Variants in TSHR observed in about 807,000 individuals in gnomAD.
TSHR encodes thyrotropin receptor.
A neutral mutation model predicts 64.1 loss-of-function variants in TSHR; 51 were observed. The observed-to-expected ratio is 0.80, with a 90% CI of 0.64 to 1.01. The LOEUF is 1.01. Ranked by LOEUF, TSHR falls within the 50% of genes least tolerant of loss-of-function variation. The pLI is 0.00. For missense variants in TSHR, 877 were observed against 942.8 expected (o/e 0.93, Z 0.91); for synonymous variants, 361 against 361.9 (o/e 1.00, Z 0.03).
At chr14:81,131,733 A>G (rs1418403008) in intron 8 of TSHR, among the ~76,000 whole-genome samples, 1 of 152,050 alleles carries the variant, frequency 6.6e-6, no homozygotes, top group Admixed American at 6.5e-5. Context: ...CTTCCCTGAC[A>G]CTGTCCCCTC....
intron 1 of TSHR, chr14:81,053,332 CCAGAAACATCCTCA>C (rs1232574772): frequency 2.0e-5 from 3 of 152,170 alleles, no homozygotes; most frequent in African/African-American, 7.2e-5. Context: ...TCAATCTCAT[CCAGAAACATCCTCA>C]CAGACACAAC....
rs142450817 is a variant in TSHR at position 80,986,287 on chromosome 14, G to T, written c.170+30437G>T. ...CTTGGGGACTATATTGGGTATTGAAGAGAGCTGGTAAAAAATACAGATAGA... is the reference window on the plus strand; with the variant it reads ...CTTGGGGACTATATTGGGTATTGAATAGAGCTGGTAAAAAATACAGATAGA... On this transcript the variant is annotated intron_variant, in intron 1 of 9. Coordinates refer to ENST00000298171, the MANE Select transcript of TSHR (RefSeq NM_000369.5). Among the ~76,000 whole-genome samples, 814 of 152,242 alleles carry T rather than the reference G, an allele frequency of 5.3e-3. 12 individuals are homozygous for T. Among genetic ancestry groups the T allele is most frequent in the African/African-American group, 0.019 (789 of 41,538 alleles).
chr14:81,139,786 T>C lies in TSHR; in HGVS notation c.800T>C (p.Leu267Ser), dbSNP rs1278487169. The C allele has an allele frequency of 3.1e-6, 5 of 1,614,206 alleles. No homozygotes were observed. The South Asian group carries it at 5.5e-5, about 18-fold the overall frequency. The change falls in exon 9 of 10, where the codon TTG becomes TCG. Residue 267 changes from leucine (L) to serine (S), a missense_variant. By Grantham distance (145) the Leu-to-Ser change is moderately radical. Transcript: ENST00000298171. ...TWTLKKLPLS[L>S]SFLHLTRADL... Reference sequence around the variant, plus strand: ...ACTCTTAAGAAACTTCCACTTTCCTTGAGTTTCCTTCACCTCACACGGGCT... The same window carrying C: ...ACTCTTAAGAAACTTCCACTTTCCTCGAGTTTCCTTCACCTCACACGGGCT...
At chr14:80,981,467 G>T (rs979727116) in intron 1 of TSHR, among the ~76,000 whole-genome samples, 2 of 152,182 alleles carry the variant, frequency 1.3e-5, no homozygotes, top group African/African-American at 4.8e-5. Context: ...ATGGGAGGCT[G>T]ATGACCTGGG....
chr14:81,051,620 T>C (rs1885437713), intron 1 of TSHR: 2 of 152,168 alleles, frequency 1.3e-5, no homozygotes, highest in Non-Finnish European at 2.9e-5. Flanking sequence ...TCATACTTTT[T>C]CCAAAATAGT....
At chr14:81,012,487 C>T (rs1443817248) in intron 1 of TSHR, 38 of 150,192 alleles carry the variant, frequency 2.5e-4, no homozygotes, top group Non-Finnish European at 4.0e-4. Context: ...AATGGTATTT[C>T]TAGTTCTAGA....
chr14:81,069,450 T>A (rs189890957), intron 3 of TSHR, among the ~76,000 whole-genome samples: 1 of 152,090 alleles, frequency 6.6e-6, no homozygotes, highest in African/African-American at 2.4e-5. Flanking sequence ...TTTAAAAAAA[T>A]GTTTGAAAGT....
chr14:81,035,975 T>A (rs1285119418), intron 1 of TSHR, among the ~76,000 whole-genome samples: 2 of 152,160 alleles, frequency 1.3e-5, no homozygotes. Context: ...AATAGCAGAC[T>A]AAATTAAGCA....
chr14:81,114,512 C>A (rs1245623444), intron 8 of TSHR, among the ~76,000 whole-genome samples: 1 of 152,218 alleles, frequency 6.6e-6, no homozygotes, highest in East Asian at 1.9e-4. Context: ...TATCCCGCAC[C>A]TGGCTCGGAG....
rs150716300 is a variant in TSHR at position 81,144,137 on chromosome 14, C to T, written c.2079C>T (p.Leu693=). 37 of 1,614,080 alleles carry T rather than the reference C, an allele frequency of 2.3e-5. No homozygotes were observed. The highest frequency in any genetic ancestry group is 1.6e-4 in the Middle Eastern group (1 of 6,084). Residue 693 remains leucine (L), a synonymous_variant, in exon 10 of 10, where the codon CTC becomes CTT. Coordinates refer to ENST00000298171, the MANE Select transcript of TSHR (RefSeq NM_000369.5). ...KAFQRDVFIL[L]SKFGICKRQA... is the part of the protein sequence containing the mutation. Reference sequence around the variant, plus strand: ...TCCAGAGGGATGTGTTCATCCTACTCAGCAAGTTTGGCATCTGTAAACGCC... The same window carrying T: ...TCCAGAGGGATGTGTTCATCCTACTTAGCAAGTTTGGCATCTGTAAACGCC...
At chr14:81,138,176 C>T (rs962715436) in intron 8 of TSHR, among the ~76,000 whole-genome samples, 3 of 150,934 alleles carry the variant, frequency 2.0e-5, no homozygotes, top group South Asian at 2.1e-4. Flanking sequence ...CAGGAACAAG[C>T]GCCAAGGGTA....
intron 1 of TSHR, among the ~76,000 whole-genome samples, chr14:81,045,633 TC>T (rs1885138779): frequency 6.6e-6 from 1 of 152,156 alleles, no homozygotes; most frequent in Admixed American, 6.5e-5. Flanking sequence ...TGGTTTTTTT[TC>T]ATCATCACTG....
intron 1 of TSHR, among the ~76,000 whole-genome samples, chr14:81,007,463 C>T (rs1189996203): frequency 2.0e-5 from 3 of 152,140 alleles, no homozygotes; most frequent in African/African-American, 2.4e-5. Flanking sequence ...GGATTTGTCT[C>T]TTTTTTTCTC....
At chr14:81,017,902 T>C (rs1289288228) in intron 1 of TSHR, among the ~76,000 whole-genome samples, 1 of 150,372 alleles carries the variant, frequency 6.7e-6, no homozygotes, top group Non-Finnish European at 1.5e-5. Flanking sequence ...TGATCTCGGC[T>C]CATTGCAAGC....
chr14:80,958,655 A>G (rs1306729228), intron 1 of TSHR, among the ~76,000 whole-genome samples: 1 of 152,146 alleles, frequency 6.6e-6, no homozygotes, highest in Admixed American at 6.5e-5. Flanking sequence ...AAGAAAATCT[A>G]GATCTTTTTT....
chr14:81,068,913 T>A lies in TSHR; in HGVS notation c.317+585T>A, dbSNP rs142183245. On this transcript the variant is annotated intron_variant, in intron 3 of 9. Transcript: ENST00000298171. The stretch of plus-strand genomic sequence containing the variant: ...CATAAATATGGAATTATATAATATC[T>A]AGCACCTGAAAACCAGTCAATATAC... Among the ~76,000 whole-genome samples the A allele has an allele frequency of 9.9e-4, 151 of 152,288 alleles. 1 individual carries two copies. The highest frequency in any genetic ancestry group is 3.5e-3 in the African/African-American group (145 of 41,570).
intron 1 of TSHR, chr14:81,049,478 T>C (rs1271418591): frequency 6.6e-6 from 1 of 152,250 alleles, no homozygotes; most frequent in Non-Finnish European, 1.5e-5. Context: ...TTCTTCAGAT[T>C]ATTCATCCAT....
intron 1 of TSHR, among the ~76,000 whole-genome samples, chr14:80,971,642 T>C (rs1887593701): frequency 6.6e-6 from 1 of 152,204 alleles, no homozygotes; most frequent in Non-Finnish European, 1.5e-5. Context: ...AGGGGGCAGA[T>C]AGGTGAATTG....
chr14:80,982,768 G>C (rs1888239038), intron 1 of TSHR: 1 of 620,834 alleles, frequency 1.6e-6, no homozygotes, highest in Non-Finnish European at 2.7e-6. Context: ...TTCTTTGCCT[G>C]TGGCAACAGC....
Sources: gnomAD v4.1 joint callset for allele counts (sites outside exome capture counted in the v4.1 genomes callset) on GRCh38, gnomAD v4.1.1 for gene constraint, MANE v1.5 for transcripts, NCBI Gene and HGNC (gene_info 2026-07-23, HGNC 2026-07-21) for gene names.